The following PCDHA12 variants were observed in gnomAD, a reference collection of about 807,000 sequenced individuals.
PCDHA12 encodes protocadherin alpha 12.
In PCDHA12, 44 loss-of-function variants were observed where a neutral mutation model predicts 60.0. The ratio of observed to expected loss-of-function variants is 0.73; its 90% CI spans 0.58 to 0.94. The LOEUF (loss-of-function observed/expected upper bound fraction) is 0.94, where lower values mean the gene tolerates loss of function less well. Among genes scored for constraint, PCDHA12 ranks in the 40% least tolerant of loss-of-function variants. PCDHA12 has a pLI of 0.00. For missense variants in PCDHA12, 1,276 were observed against 1,239.7 expected (o/e 1.03, Z -0.44); for synonymous variants, 569 against 553.0 (o/e 1.03, Z -0.40).
At position 140,928,057 on chromosome 5, in the gene PCDHA12, G is replaced by T. The variant is rs150006101; in HGVS notation, c.2367+50218G>T. 1.4e-4 allele frequency: 234 copies of T among 1,614,060 alleles called. No individual in the cohort carries two copies. Among genetic ancestry groups the T allele is most frequent in the Non-Finnish European group, 1.9e-4 (219 of 1,180,052 alleles). On this transcript the variant is annotated intron_variant, in intron 1 of 3. Transcript: ENST00000398631. ...TAGTGCAGGCCCTTTTCAGCTGACG[G>T]CTTCCTTTGACAACTACTACAGCCT...
chr5:140,882,351 G>A, intron 1 of PCDHA12: 1 of 1,614,214 alleles, frequency 6.2e-7, no homozygotes, highest in East Asian at 2.2e-5. Context: ...GAGACGGGTA[G>A]TGGCCAGCTC....
chr5:140,949,537 C>T (rs1359504503), intron 1 of PCDHA12, among the ~76,000 whole-genome samples: 4 of 151,692 alleles, frequency 2.6e-5, no homozygotes, highest in African/African-American at 7.3e-5. Context: ...CATAAAATAT[C>T]GATTTGTTGC....
chr5:140,980,949 A>G (rs1187381167), intron 2 of PCDHA12, among the ~76,000 whole-genome samples: 1 of 152,182 alleles, frequency 6.6e-6, no homozygotes, highest in East Asian at 1.9e-4. Context: ...TGGCTCCAGG[A>G]TAGTTACACC....
intron 1 of PCDHA12, among the ~76,000 whole-genome samples, chr5:140,976,124 C>G (rs1554237320): frequency 6.6e-6 from 1 of 152,158 alleles, no homozygotes. Flanking sequence ...CAAGTTTAAT[C>G]AAGTTCTGGA....
intron 1 of PCDHA12, chr5:140,927,070 A>G (rs1697871410): frequency 1.9e-6 from 3 of 1,610,816 alleles, no homozygotes; most frequent in Non-Finnish European, 2.5e-6. Context: ...CTTCCTTTCC[A>G]GCCACCGCGA....
chr5:140,921,017 T>C (rs2153559418), intron 1 of PCDHA12, among the ~76,000 whole-genome samples: 1 of 152,192 alleles, frequency 6.6e-6, no homozygotes, highest in African/African-American at 2.4e-5. Context: ...TCTTGCTATG[T>C]TTTCTAGACT....
intron 1 of PCDHA12, among the ~76,000 whole-genome samples, chr5:140,921,910 A>G (rs1474219286): frequency 6.6e-6 from 1 of 152,086 alleles, no homozygotes; most frequent in Non-Finnish European, 1.5e-5. Context: ...TATATATTAC[A>G]TGATAAAACT....
At chr5:140,897,915 T>C (rs2066399470) in intron 1 of PCDHA12, among the ~76,000 whole-genome samples, 1 of 152,246 alleles carries the variant, frequency 6.6e-6, no homozygotes. Context: ...ATTGTGGTTT[T>C]GATTTGCGTT....
chr5:140,965,305 A>G (rs2095888625), intron 1 of PCDHA12, among the ~76,000 whole-genome samples: 2 of 152,136 alleles, frequency 1.3e-5, no homozygotes, highest in African/African-American at 4.8e-5. Context: ...TGATCCTTCT[A>G]CCTTCTCTTT....
At chr5:140,959,407 G>A (rs1449444307) in intron 1 of PCDHA12, among the ~76,000 whole-genome samples, 3 of 152,052 alleles carry the variant, frequency 2.0e-5, no homozygotes, top group African/African-American at 7.2e-5. Flanking sequence ...ATAAAGTGTT[G>A]ATTGATCTGA....
At chr5:140,964,567 A>G (rs2095840776) in intron 1 of PCDHA12, among the ~76,000 whole-genome samples, 1 of 152,080 alleles carries the variant, frequency 6.6e-6, no homozygotes. Context: ...GGCTGGGAGG[A>G]GATAAGGGGA....
intron 1 of PCDHA12, chr5:140,883,434 T>G (rs2059607581): frequency 1.2e-6 from 2 of 1,614,038 alleles, no homozygotes; most frequent in Admixed American, 3.3e-5. Flanking sequence ...ACCTGCACCT[T>G]GACGCCGCAT....
At chr5:140,959,412 A>G (rs2153722176) in intron 1 of PCDHA12, among the ~76,000 whole-genome samples, 1 of 152,256 alleles carries the variant, frequency 6.6e-6, no homozygotes, top group African/African-American at 2.4e-5. Context: ...GTGTTGATTG[A>G]TCTGAGAATT....
In PCDHA12 at chr5:140,876,760, G is replaced by A. The variant is rs2056562687; in HGVS notation, c.1288G>A (p.Gly430Arg). 4 of 1,614,234 alleles carry A rather than the reference G, an allele frequency of 2.5e-6. No individual in the cohort carries two copies. The highest frequency in any genetic ancestry group is 2.2e-5 in the South Asian group (2 of 91,084). The change falls in exon 1 of 4, where the codon GGG becomes AGG. Residue 430 changes from glycine (G) to arginine (R), a missense_variant. Transcript: ENST00000398631. ...TGAGCTGGTGGTGACTGCGCGGGAT[G>A]GGGGCTCGCCTTCGCTGTGGGCCAC... ...AYELVVTARDGGSPSLWATAR... is the reference protein window; with the variant it reads ...AYELVVTARDRGSPSLWATAR...
At chr5:140,926,573 A>C in intron 1 of PCDHA12, 2 of 265,974 alleles carry the variant, frequency 7.5e-6, no homozygotes. Context: ...TACTGGAGAC[A>C]GCACCTCTCG....
intron 1 of PCDHA12, among the ~76,000 whole-genome samples, chr5:140,956,900 A>C (rs1004581720): frequency 6.6e-6 from 1 of 152,240 alleles, no homozygotes; most frequent in East Asian, 1.9e-4. Context: ...GAATATTCTT[A>C]AATGTATAAA....
intron 1 of PCDHA12, among the ~76,000 whole-genome samples, chr5:140,940,057 A>G (rs2092538975): frequency 6.6e-6 from 1 of 152,224 alleles, no homozygotes; most frequent in African/African-American, 2.4e-5. Flanking sequence ...TTCTTAACCA[A>G]ATATAAATAT....
intron 1 of PCDHA12, among the ~76,000 whole-genome samples, chr5:140,885,454 C>T (rs2060601415): frequency 6.6e-6 from 1 of 152,054 alleles, no homozygotes; most frequent in Admixed American, 6.5e-5. Flanking sequence ...TATTATTTAC[C>T]TAATGATGGG....
At chr5:141,005,437 C>T (rs1469007749) in intron 3 of PCDHA12, among the ~76,000 whole-genome samples, 4 of 152,092 alleles carry the variant, frequency 2.6e-5, no homozygotes, top group African/African-American at 7.2e-5. Context: ...GGATGAGAGG[C>T]TCACGCCTGT....
Sources: allele counts gnomAD v4.1 joint callset (sites outside exome capture counted in the v4.1 genomes callset), GRCh38; gene constraint gnomAD v4.1.1; transcripts MANE v1.5; gene names NCBI Gene and HGNC (gene_info 2026-07-23, HGNC 2026-07-21).